RHCG: variants seen among roughly 807,000 people sequenced by gnomAD.
RHCG encodes ammonium transporter Rh type C.
In RHCG, 39 loss-of-function variants were observed where a neutral mutation model predicts 55.3. The ratio of observed to expected loss-of-function variants is 0.70; its 90% CI spans 0.55 to 0.92. The LOEUF is 0.92. RHCG is among the 40% of genes least tolerant of loss of function. The pLI is 0.00. For missense variants in RHCG, 635 were observed against 627.9 expected, an observed-to-expected ratio of 1.01 and a Z score of -0.12; for synonymous variants, 250 against 246.8, an observed-to-expected ratio of 1.01 and a Z score of -0.12.
At chr15:89,485,046 C>A (rs1961335516) in intron 2 of RHCG, among the ~76,000 whole-genome samples, 1 of 152,132 alleles carries the variant, frequency 6.6e-6, no homozygotes, top group African/African-American at 2.4e-5. Context: ...GCCCCGGGCA[C>A]CAGAAATCAG....
chr15:89,477,146 T>A lies in RHCG; in HGVS notation c.1173A>T (p.Gly391=), dbSNP rs1459371254. ...CCAAGAGACCATAAATCTGGAACTTTCCCTGTGTTCTTGCGGTCCAGTCCC... is the reference window on the plus strand; with the variant it reads ...CCAAGAGACCATAAATCTGGAACTTACCCTGTGTTCTTGCGGTCCAGTCCC... ...FNGDWTARTQ[G]KFQIYGLLVT... Residue 391 remains glycine (G), a synonymous_variant, in exon 8 of 11, where the codon GGA becomes GGT. Coordinates refer to ENST00000268122, the MANE Select transcript of RHCG (RefSeq NM_016321.3). This position sits in a 1 kb window ranked among gnomAD's most constrained non-coding sequence, Gnocchi z 4.5. The A allele has an allele frequency of 1.2e-6, 2 of 1,614,046 alleles. No individual in the cohort carries two copies. The highest frequency in any genetic ancestry group is 1.7e-6 in the Non-Finnish European group (2 of 1,180,010).
chr15:89,490,813 G>A (rs1490592925), intron 1 of RHCG, among the ~76,000 whole-genome samples: 2 of 150,476 alleles, frequency 1.3e-5, no homozygotes, highest in African/African-American at 2.4e-5. Context: ...GTGGGCGGGG[G>A]TTAGGGGGAG....
chr15:89,475,580 G>A (rs1208964036), intron 9 of RHCG, among the ~76,000 whole-genome samples: 1 of 152,208 alleles, frequency 6.6e-6, no homozygotes, highest in East Asian at 1.9e-4. Flanking sequence ...TCACCTGGGA[G>A]CTTGTCAGTT....
Position 89,472,831 on chromosome 15 carries a change from A to G in RHCG, c.1344T>C (p.Pro448=). 1 of 1,544,302 alleles carries G rather than the reference A, an allele frequency of 6.5e-7. No individual in the cohort carries two copies. The highest frequency in any genetic ancestry group is 8.8e-7 in the Non-Finnish European group (1 of 1,142,844). ...CTGAGGGCTTGAAGGTGGGGTCCTC[A>G]GGGATGTAGACAGTGCTGTTCCCTT... ...MPEGNSTVYI[P]EDPTFKPSGP... Residue 448 remains proline, a synonymous_variant, in exon 10 of 11, where the codon CCT becomes CCC. Coordinates refer to ENST00000268122, the MANE Select transcript of RHCG (RefSeq NM_016321.3).
chr15:89,481,951 G>A (rs554947828), intron 3 of RHCG, among the ~76,000 whole-genome samples: 50 of 152,230 alleles, frequency 3.3e-4, no homozygotes, highest in African/African-American at 1.1e-3. Context: ...ACAGGCATGC[G>A]CCACTACACC....
Position 89,492,853 on chromosome 15 carries a change from C to T in RHCG, c.184+3508G>A, listed in dbSNP as rs1961501921. ...ACCTTCATGGAAGGAGCACTTACTC[C>T]CTTCTGGGGAAGCCCAGTGGCAGCA... On this transcript the variant is annotated intron_variant, in intron 1 of 10. Coordinates refer to ENST00000268122, the MANE Select transcript of RHCG (RefSeq NM_016321.3). 2.6e-5 allele frequency among the ~76,000 whole-genome samples: 4 copies of T among 152,170 alleles called. No individual in the cohort carries two copies. In the South Asian group the frequency reaches 8.3e-4, roughly 31 times the overall value.
In RHCG at chr15:89,483,061, G is replaced by C. The variant is rs983479400; in HGVS notation, c.522+6C>G. Reference sequence around the variant, plus strand: ...CCACCTCATCCCCATTCTGAGCCCTGCTCACCTTTAGCAGGTTAAGGAGAA... The same window carrying C: ...CCACCTCATCCCCATTCTGAGCCCTCCTCACCTTTAGCAGGTTAAGGAGAA... On this transcript the variant is annotated splice_donor_region_variant and intron_variant, in intron 3 of 10. Transcript: ENST00000268122. 3.2e-6 allele frequency: 5 copies of C among 1,567,396 alleles called. No individual in the cohort carries two copies. In the African/African-American group the frequency reaches 6.7e-5, roughly 21 times the overall value.
At chr15:89,489,781 C>A (rs1961440349) in intron 1 of RHCG, among the ~76,000 whole-genome samples, 2 of 152,206 alleles carry the variant, frequency 1.3e-5, no homozygotes, top group Non-Finnish European at 2.9e-5. Flanking sequence ...GCCTTCCTGA[C>A]CACCCATTTA....
intron 9 of RHCG, among the ~76,000 whole-genome samples, chr15:89,473,391 T>G (rs1401044244): frequency 6.6e-6 from 1 of 152,096 alleles, no homozygotes; most frequent in Non-Finnish European, 1.5e-5. Context: ...CCATCTGTGG[T>G]CCTGGGGAAC....
intron 9 of RHCG, among the ~76,000 whole-genome samples, chr15:89,475,416 T>G (rs1490677038): frequency 6.6e-6 from 1 of 152,130 alleles, no homozygotes; most frequent in Non-Finnish European, 1.5e-5. Context: ...CTAATTTTTT[T>G]TGTATTTTTA....
chr15:89,482,575 G>A (rs1961286942), intron 3 of RHCG, among the ~76,000 whole-genome samples: 1 of 152,192 alleles, frequency 6.6e-6, no homozygotes, highest in African/African-American at 2.4e-5. Context: ...TCTTATCTGA[G>A]CCACTGAATT....
In RHCG at chr15:89,477,286, G is replaced by A. The variant is rs969881601; in HGVS notation, c.1113-80C>T. 2.7e-5 allele frequency: 42 copies of A among 1,570,364 alleles called. No homozygotes were observed. The East Asian group carries it at 6.3e-4, about 24-fold the overall frequency. On this transcript the variant is annotated intron_variant, in intron 7 of 10. Transcript: ENST00000268122. The surrounding 1 kb of genome is among the most constrained non-coding windows in gnomAD (Gnocchi z 4.5). The stretch of plus-strand genomic sequence containing the variant: ...TTGCTGCCACCCCAAAAATGTGACC[G>A]GGTACCACGGGCCTCAGCCTTCCCA...
intron 3 of RHCG, among the ~76,000 whole-genome samples, chr15:89,482,767 G>A (rs1200709377): frequency 6.6e-6 from 1 of 152,234 alleles, no homozygotes; most frequent in Non-Finnish European, 1.5e-5. Context: ...ATGTGTGCAA[G>A]AGTATGTGCA....
chr15:89,489,764 T>C (rs1961439858), intron 1 of RHCG, among the ~76,000 whole-genome samples: 1 of 152,170 alleles, frequency 6.6e-6, no homozygotes, highest in African/African-American at 2.4e-5. Context: ...GTCACCTCAT[T>C]AGAGAGGCCT....
Position 89,477,776 on chromosome 15 carries a change from T to C in RHCG, c.975+61A>G. ...CCCTCCCTAGGAACCCTCAGCTCAC[T>C]GTCAGGAACACAAAGACCTCAGCAT... On this transcript the variant is annotated intron_variant, in intron 6 of 10. Transcript: ENST00000268122. This position sits in a 1 kb window ranked among gnomAD's most constrained non-coding sequence, Gnocchi z 4.5. 6.2e-7 allele frequency: 1 copy of C among 1,607,744 alleles called. No homozygotes were observed.
At chr15:89,474,615 C>G (rs1395743883) in intron 9 of RHCG, among the ~76,000 whole-genome samples, 1 of 152,250 alleles carries the variant, frequency 6.6e-6, no homozygotes, top group Non-Finnish European at 1.5e-5. Flanking sequence ...TTTAAGGAAA[C>G]TGAGTTCTGT....
chr15:89,479,587 C>A (rs929089300), intron 4 of RHCG, 99 bp from the exon 5 acceptor site: 4 of 1,103,456 alleles, frequency 3.6e-6, no homozygotes, highest in Non-Finnish European at 5.1e-6. Context: ...CTAGAGATGA[C>A]CCCACACCCA....
intron 3 of RHCG, 107 bp downstream of exon 3, chr15:89,482,960 T>C: frequency 8.6e-7 from 1 of 1,159,768 alleles, no homozygotes; most frequent in Non-Finnish European, 1.2e-6. Flanking sequence ...TTCAGGAAGT[T>C]AAGTGACTCG....
At position 89,477,690 on chromosome 15, in the gene RHCG, C is replaced by T; in HGVS notation, c.976-37G>A. 2 of 1,612,154 alleles carry T rather than the reference C, an allele frequency of 1.2e-6. No individual in the cohort carries two copies. Among genetic ancestry groups the T allele is most frequent in the Non-Finnish European group, 1.7e-6 (2 of 1,178,758 alleles). ...AGGTGGGTGCTGCTCAGGCCGGGGGCTGCATCAAGGGTGTGGGGAGGCCGG... is the reference window on the plus strand; with the variant it reads ...AGGTGGGTGCTGCTCAGGCCGGGGGTTGCATCAAGGGTGTGGGGAGGCCGG... On this transcript the variant is annotated intron_variant, in intron 6 of 10. Coordinates refer to ENST00000268122, the MANE Select transcript of RHCG (RefSeq NM_016321.3). The surrounding 1 kb of genome is among the most constrained non-coding windows in gnomAD (Gnocchi z 4.5).
Sources: allele counts gnomAD v4.1 joint callset (sites outside exome capture counted in the v4.1 genomes callset), GRCh38; gene constraint gnomAD v4.1.1; non-coding constraint Gnocchi (gnomAD v3.1); transcripts MANE v1.5; gene names NCBI Gene and HGNC (gene_info 2026-07-23, HGNC 2026-07-21).